The following EFHD1 variants were observed in gnomAD, a reference collection of about 807,000 sequenced individuals.
EFHD1 encodes EF-hand domain-containing protein D1.
A neutral mutation model predicts 17.2 loss-of-function variants in EFHD1; 10 were observed. That is an observed-to-expected ratio of 0.58 (90% CI 0.36 to 0.99). The LOEUF (loss-of-function observed/expected upper bound fraction) is 0.99. Ranked by LOEUF, EFHD1 falls within the 50% of genes least tolerant of loss-of-function variation. The probability of loss-of-function intolerance (pLI) is 0.01; values close to 1 mark genes in which losing one functional copy is unlikely to be tolerated. For missense variants in EFHD1, 310 were observed against 327.5 expected (o/e 0.95, Z 0.41); for synonymous variants, 153 against 142.0 (o/e 1.08, Z -0.55).
At position 232,633,761 on chromosome 2, in the gene EFHD1, CG is replaced by C; in HGVS notation, c.58del (p.Glu20ArgfsTer36). ...LERRLRREEA[E>X]ESGPQLAPLG... is the part of the protein sequence containing the mutation. ...AGCGCCGGCTGCGGCGCGAGGAGGC[CG>C]AGGAGAGTGGCCCCCAGCTGGCTCC... On this transcript the variant is annotated frameshift_variant, in exon 1 of 4. Transcript: ENST00000264059. LOFTEE classifies it high-confidence loss of function. 1 of 1,469,106 alleles carries C rather than the reference CG, an allele frequency of 6.8e-7. No individual in the cohort carries two copies. Among genetic ancestry groups the C allele is most frequent in the Non-Finnish European group, 8.9e-7 (1 of 1,118,682 alleles). 91.0% of individuals were successfully genotyped at this position (1,469,106 alleles called of 1,614,324 possible).
chr2:232,622,270 C>G, intron 1 of EFHD1, among the ~76,000 whole-genome samples: 1 of 152,162 alleles, frequency 6.6e-6, no homozygotes, highest in Non-Finnish European at 1.5e-5. Flanking sequence ...GAGTTCGAGA[C>G]CAGCCTGGCC....
intron 1 of EFHD1, among the ~76,000 whole-genome samples, chr2:232,615,311 TAG>T (rs1491162804): frequency 1.1e-5 from 1 of 89,126 alleles, no homozygotes; most frequent in African/African-American, 4.5e-5. Context: ...GTGTCAACTA[TAG>T]TGTGTGTGTG....
chr2:232,668,666 C>T (rs1410790679), intron 2 of EFHD1, among the ~76,000 whole-genome samples: 2 of 152,082 alleles, frequency 1.3e-5, no homozygotes, highest in East Asian at 3.9e-4. Context: ...CACAGTTTCA[C>T]TCTGTCACCC....
At chr2:232,654,062 G>A (rs1301583674) in intron 1 of EFHD1, among the ~76,000 whole-genome samples, 1 of 151,866 alleles carries the variant, frequency 6.6e-6, no homozygotes, top group Non-Finnish European at 1.5e-5. Flanking sequence ...CAGAAATTAG[G>A]TGGGTGTGGT....
intron 1 of EFHD1, among the ~76,000 whole-genome samples, chr2:232,615,019 C>G (rs905176639): frequency 1.3e-5 from 2 of 152,068 alleles, no homozygotes; most frequent in East Asian, 1.9e-4. Context: ...AGATGGGTCT[C>G]TCTTTGATAC....
At chr2:232,611,055 A>G (rs1340511108) in intron 1 of EFHD1, among the ~76,000 whole-genome samples, 2 of 151,860 alleles carry the variant, frequency 1.3e-5, no homozygotes, top group African/African-American at 2.4e-5. Context: ...GTGTGCACCC[A>G]TCGTCCTAGA....
At chr2:232,632,563 T>TC (rs1415481408), upstream of EFHD1, among the ~76,000 whole-genome samples, 1 of 152,224 alleles carries the variant, frequency 6.6e-6, no homozygotes, top group Non-Finnish European at 1.5e-5. Context: ...TTAAAAATGC[T>TC]GATTTAATTT....
rs141601096 is a variant in EFHD1 at position 232,609,404 on chromosome 2, A to G, written c.14+3231A>G. On this transcript the variant is annotated intron_variant, in intron 1 of 3. Transcript: ENST00000409613. The stretch of plus-strand genomic sequence containing the variant: ...AAGTGAAAATGAAGTGTTTGCAAAC[A>G]TAGTCTGATCAGGGAAGGCAAGGTC... Among the ~76,000 whole-genome samples, 45 of 152,304 alleles carry G rather than the reference A, an allele frequency of 3.0e-4. No homozygotes were observed. The East Asian group carries it at 8.5e-3, about 29-fold the overall frequency.
intron 1 of EFHD1, among the ~76,000 whole-genome samples, chr2:232,660,141 C>T (rs1480945231): frequency 1.3e-5 from 2 of 152,084 alleles, no homozygotes; most frequent in East Asian, 1.9e-4. Flanking sequence ...GCCTGATTTA[C>T]TTATTTTAAT....
intron 1 of EFHD1, among the ~76,000 whole-genome samples, chr2:232,626,563 T>C (rs1290469577): frequency 7.2e-5 from 11 of 152,134 alleles, no homozygotes; most frequent in Non-Finnish European, 1.5e-5. Context: ...AATTAATTAA[T>C]TTATTTATTT....
In EFHD1 at chr2:232,672,434, T is replaced by C; in HGVS notation, c.576T>C (p.Phe192=). 1 of 1,601,954 alleles carries C rather than the reference T, an allele frequency of 6.2e-7. No individual in the cohort carries two copies. Among genetic ancestry groups the C allele is most frequent in the Non-Finnish European group, 8.5e-7 (1 of 1,174,390 alleles). Residue 192 remains phenylalanine (F), a synonymous_variant, in exon 3 of 4, where the codon TTT becomes TTC. Transcript: ENST00000264059. ...LEGVKGAKNF[F]EAKVQALSSA... is the part of the protein sequence containing the mutation. The stretch of plus-strand genomic sequence containing the variant: ...GTGTCAAAGGTGCCAAGAACTTCTT[T>C]GAAGCCAAGGTAGGTGCTTAGTTCC...
chr2:232,626,664 C>T (rs1694107645), intron 1 of EFHD1, among the ~76,000 whole-genome samples: 1 of 152,086 alleles, frequency 6.6e-6, no homozygotes, highest in Admixed American at 6.6e-5. Flanking sequence ...AGATGAAAGT[C>T]TGTTAGTCAT....
At chr2:232,636,036 A>G (rs992072549) in intron 1 of EFHD1, among the ~76,000 whole-genome samples, 2 of 152,228 alleles carry the variant, frequency 1.3e-5, no homozygotes, top group Non-Finnish European at 2.9e-5. Flanking sequence ...AGGTGCTGCC[A>G]TCAGTGCTTA....
intron 1 of EFHD1, among the ~76,000 whole-genome samples, chr2:232,660,171 A>AT (rs1553600668): frequency 4.8e-4 from 71 of 147,552 alleles, no homozygotes; most frequent in Admixed American, 8.9e-4. Flanking sequence ...TGTGTTATTT[A>AT]TTTATTTTAT....
chr2:232,661,230 C>T (rs1470424447), intron 1 of EFHD1, among the ~76,000 whole-genome samples: 1 of 152,130 alleles, frequency 6.6e-6, no homozygotes, highest in Non-Finnish European at 1.5e-5. Context: ...TTCACATTAT[C>T]GTGCTGCCAT....
chr2:232,638,202 A>G (rs1694354339), intron 1 of EFHD1: 2 of 373,856 alleles, frequency 5.3e-6, no homozygotes, highest in Admixed American at 7.1e-5. Context: ...GTTAGACAGG[A>G]AATTTTAATT....
chr2:232,667,938 TCTAA>T (rs1251065459), intron 2 of EFHD1, among the ~76,000 whole-genome samples: 2 of 152,236 alleles, frequency 1.3e-5, no homozygotes, highest in Non-Finnish European at 2.9e-5. Flanking sequence ...ACCTAAGAGT[TCTAA>T]CTAATACCGT....
intron 1 of EFHD1, among the ~76,000 whole-genome samples, chr2:232,639,742 T>C (rs1280742428): frequency 6.6e-6 from 1 of 152,166 alleles, no homozygotes; most frequent in Admixed American, 6.5e-5. Flanking sequence ...GGTGCCAGGC[T>C]GTCTACAATT....
Position 232,633,783 on chromosome 2 carries a change from GC to G in EFHD1, c.80del (p.Ala27ValfsTer29), listed in dbSNP as rs1157200571. On this transcript the variant is annotated frameshift_variant, in exon 1 of 4. Coordinates refer to ENST00000264059, the MANE Select transcript of EFHD1 (RefSeq NM_025202.4). LOFTEE classifies it high-confidence loss of function. Reference protein sequence around the residue: ...EEAEESGPQLAPLGAPAPEPK... With the variant: ...EEAEESGPQLXPLGAPAPEPK... ...GGCCGAGGAGAGTGGCCCCCAGCTGGCTCCCCTCGGCGCCCCAGCCCCGGAG... is the reference window on the plus strand; with the variant it reads ...GGCCGAGGAGAGTGGCCCCCAGCTGGTCCCCTCGGCGCCCCAGCCCCGGAG... The G allele has an allele frequency of 2.7e-6, 4 of 1,457,764 alleles. No individual in the cohort carries two copies. Among genetic ancestry groups the G allele is most frequent in the East Asian group, 6.0e-5 (2 of 33,096 alleles). 90.3% of individuals were successfully genotyped at this position (1,457,764 alleles called of 1,614,324 possible).
Sources: gnomAD v4.1 joint callset for allele counts (sites outside exome capture counted in the v4.1 genomes callset) on GRCh38, gnomAD v4.1.1 for gene constraint, MANE v1.5 for transcripts, NCBI Gene and HGNC (gene_info 2026-07-23, HGNC 2026-07-21) for gene names.